PRKN: variants seen among roughly 807,000 people sequenced by gnomAD.
The protein encoded by PRKN is E3 ubiquitin-protein ligase parkin.
In PRKN, 56 loss-of-function variants were observed where a neutral mutation model predicts 59.5. The ratio of observed to expected loss-of-function variants is 0.94; its 90% CI spans 0.76 to 1.18. The LOEUF (loss-of-function observed/expected upper bound fraction) is 1.18, where lower values mean the gene tolerates loss of function less well. Among genes scored for constraint, PRKN ranks in the 50% most tolerant of loss-of-function variants. PRKN has a pLI of 0.00. For missense variants in PRKN, 657 were observed against 596.4 expected (o/e 1.10, Z -1.06); for synonymous variants, 250 against 222.1 (o/e 1.13, Z -1.12).
chr6:161,430,073 C>A (rs1463268434), intron 9 of PRKN, among the ~76,000 whole-genome samples: 1 of 152,170 alleles, frequency 6.6e-6, no homozygotes, highest in African/African-American at 2.4e-5. Context: ...GGTTGCATTA[C>A]AGGTGTGAGG....
At chr6:161,777,674 T>A (rs974148237) in intron 7 of PRKN, among the ~76,000 whole-genome samples, 1 of 143,810 alleles carries the variant, frequency 7.0e-6, no homozygotes, top group Admixed American at 7.1e-5. Flanking sequence ...TATATGAGAA[T>A]ATATATATAA....
intron 6 of PRKN, among the ~76,000 whole-genome samples, chr6:161,902,246 C>T (rs1339077386): frequency 6.6e-6 from 1 of 152,150 alleles, no homozygotes; most frequent in Non-Finnish European, 1.5e-5. Flanking sequence ...TGAGCATGGT[C>T]TGCTTCATCC....
At chr6:161,651,192 G>A (rs923648071) in intron 7 of PRKN, among the ~76,000 whole-genome samples, 6 of 152,216 alleles carry the variant, frequency 3.9e-5, no homozygotes, top group Non-Finnish European at 8.8e-5. Context: ...CTTAATGTCT[G>A]TGTTTGGAAT....
intron 4 of PRKN, among the ~76,000 whole-genome samples, chr6:162,106,886 G>A (rs879675683): frequency 6.6e-6 from 1 of 152,180 alleles, no homozygotes; most frequent in Non-Finnish European, 1.5e-5. Flanking sequence ...AATGTGAGGG[G>A]CTTAGTCTTG....
intron 1 of PRKN, chr6:162,569,297 C>T (rs1352168561): frequency 2.3e-5 from 14 of 604,500 alleles, no homozygotes; most frequent in Non-Finnish European, 2.2e-5. Context: ...TGTCAAGCAG[C>T]GTGGGGAGCT....
intron 9 of PRKN, among the ~76,000 whole-genome samples, chr6:161,485,705 A>T (rs1394259866): frequency 6.6e-6 from 1 of 152,110 alleles, no homozygotes; most frequent in Non-Finnish European, 1.5e-5. Context: ...AATGAAGAAA[A>T]TTCAAGTAGA....
chr6:162,304,826 G>C lies in PRKN; in HGVS notation c.172-42061C>G, dbSNP rs146701725. 6.4e-3 allele frequency among the ~76,000 whole-genome samples: 867 copies of C among 136,050 alleles called. 53 individuals are homozygous for C. Among genetic ancestry groups the C allele is most frequent in the Non-Finnish European group, 0.011 (648 of 61,122 alleles). The allele number at this position is 136,050 out of a possible 152,430, so 89.3% of individuals were successfully genotyped here. ...ACCTCCACTCCAGCTGCTGCTGCCA[G>C]ATGTGAGTGCCAGGGTAGTCAGATG... On this transcript the variant is annotated intron_variant, in intron 2 of 11. Coordinates refer to ENST00000366898, the MANE Select transcript of PRKN (RefSeq NM_004562.3).
intron 4 of PRKN, among the ~76,000 whole-genome samples, chr6:162,116,922 T>C (rs1226789882): frequency 2.0e-5 from 3 of 152,212 alleles, no homozygotes; most frequent in Non-Finnish European, 4.4e-5. Context: ...AGTCTGCTTA[T>C]ATTGCAGAGG....
intron 7 of PRKN, among the ~76,000 whole-genome samples, chr6:161,642,612 G>C (rs545275744): frequency 6.6e-6 from 1 of 152,220 alleles, no homozygotes; most frequent in African/African-American, 2.4e-5. Context: ...TAACAGAGAG[G>C]TCTAAGAAGT....
intron 1 of PRKN, among the ~76,000 whole-genome samples, chr6:162,702,766 A>G (rs1341709188): frequency 6.6e-6 from 1 of 152,186 alleles, no homozygotes; most frequent in Non-Finnish European, 1.5e-5. Flanking sequence ...TTAAAATAGC[A>G]CTTTTTGAAA....
At chr6:162,530,547 C>G (rs907279037) in intron 1 of PRKN, among the ~76,000 whole-genome samples, 16 of 152,134 alleles carry the variant, frequency 1.1e-4, no homozygotes, top group African/African-American at 3.6e-4. Flanking sequence ...TCAGTTTCCT[C>G]GTCTGCAGAA....
At chr6:162,141,426 C>T (rs976552843) in intron 4 of PRKN, among the ~76,000 whole-genome samples, 1 of 152,162 alleles carries the variant, frequency 6.6e-6, no homozygotes, top group Non-Finnish European at 1.5e-5. Flanking sequence ...ATTTGGAATA[C>T]TTCAACTGTG....
intron 6 of PRKN, among the ~76,000 whole-genome samples, chr6:161,954,286 G>T (rs1790011): frequency 0.32 from 48,113 of 151,792 alleles, 8,218 homozygotes; most frequent in Non-Finnish European, 0.38. Flanking sequence ...CTAAAGACTG[G>T]AAACTCATTA....
intron 1 of PRKN, among the ~76,000 whole-genome samples, chr6:162,487,703 T>C (rs761313587): frequency 5.3e-5 from 8 of 152,116 alleles, no homozygotes; most frequent in Non-Finnish European, 1.2e-4. Flanking sequence ...GAATTCAACA[T>C]AGAAACAACT....
chr6:161,964,188 T>C (rs1780490985), intron 6 of PRKN, among the ~76,000 whole-genome samples: 1 of 152,062 alleles, frequency 6.6e-6, no homozygotes, highest in Non-Finnish European at 1.5e-5. Flanking sequence ...AACCACTTCC[T>C]TGTGGTGTGA....
chr6:162,184,868 A>G (rs1402666827), intron 4 of PRKN, among the ~76,000 whole-genome samples: 6 of 152,156 alleles, frequency 3.9e-5, no homozygotes, highest in Admixed American at 2.0e-4. Flanking sequence ...ACTTAAAGTA[A>G]ACCAATTTTC....
chr6:161,739,427 T>A (rs1788100450), intron 7 of PRKN, among the ~76,000 whole-genome samples: 1 of 151,948 alleles, frequency 6.6e-6, no homozygotes, highest in African/African-American at 2.4e-5. Context: ...ATTAATTAAA[T>A]TAAAACAAGC....
Position 161,445,870 on chromosome 6 carries a change from C to T in PRKN, c.1084-58993G>A, listed in dbSNP as rs1789466585. Among the ~76,000 whole-genome samples, 1 of 151,842 alleles carries T rather than the reference C, an allele frequency of 6.6e-6. No homozygotes were observed. The highest frequency in any genetic ancestry group is 2.1e-4 in the South Asian group (1 of 4,798). ...CCTTGCAGGGTGGTGGTTTCCTTTG[C>T]CCGGAGAGTTCAGAGGCCTTAGTTC... On this transcript the variant is annotated intron_variant, in intron 9 of 11. Coordinates refer to ENST00000366898, the MANE Select transcript of PRKN (RefSeq NM_004562.3). The surrounding 1 kb of genome is among the most constrained non-coding windows in gnomAD (Gnocchi z 7.7).
intron 9 of PRKN, among the ~76,000 whole-genome samples, chr6:161,534,244 T>C (rs185983804): frequency 3.9e-5 from 6 of 152,258 alleles, no homozygotes; most frequent in Non-Finnish European, 8.8e-5. Flanking sequence ...TTCACTCTGT[T>C]CCAGAATCTT....
Sources: gnomAD v4.1 joint callset for allele counts (sites outside exome capture counted in the v4.1 genomes callset) on GRCh38, gnomAD v4.1.1 for gene constraint, Gnocchi (gnomAD v3.1) non-coding constraint, MANE v1.5 for transcripts, NCBI Gene and HGNC (gene_info 2026-07-23, HGNC 2026-07-21) for gene names.